The following GNE variants were observed in gnomAD, a reference collection of about 807,000 sequenced individuals.
The protein encoded by GNE is glucosamine (UDP-N-acetyl)-2-epimerase/N-acetylmannosamine kinase.
A neutral mutation model predicts 61.8 loss-of-function variants in GNE; 41 were observed. The observed-to-expected ratio is 0.66, with a 90% CI of 0.52 to 0.86. The LOEUF (loss-of-function observed/expected upper bound fraction) is 0.86. Ranked by LOEUF, GNE falls within the 40% of genes least tolerant of loss-of-function variation. GNE has a pLI of 0.00. For missense variants in GNE, 608 were observed against 909.1 expected (o/e 0.67, Z 4.26); for synonymous variants, 264 against 326.4 (o/e 0.81, Z 2.06).
upstream of GNE, among the ~76,000 whole-genome samples, chr9:36,260,294 A>G (rs546924673): frequency 7.7e-4 from 117 of 151,484 alleles, no homozygotes; most frequent in African/African-American, 2.8e-3. Flanking sequence ...AAAAAAAAAA[A>G]AAAAGAAAGA....
Position 36,217,132 on chromosome 9 carries a change from G to A in GNE, c.*233C>T. The A allele has an allele frequency of 3.6e-6, 2 of 556,108 alleles. No individual in the cohort carries two copies. The highest frequency in any genetic ancestry group is 4.0e-5 in the South Asian group (2 of 49,610). The allele number at this position is 556,108 out of a possible 1,614,324, so 34.4% of individuals were successfully genotyped here. ...GAAAATTGTGACTGTAACTTACAGGGTTTGAGCTAAAATGACCCCTAGTAA... is the reference window on the plus strand; with the variant it reads ...GAAAATTGTGACTGTAACTTACAGGATTTGAGCTAAAATGACCCCTAGTAA... On this transcript the variant is annotated 3_prime_UTR_variant, in exon 12 of 12. Transcript: ENST00000642385.
intron 10 of GNE, 135 bp downstream of exon 10, chr9:36,219,703 G>A (rs1828496727): frequency 2.5e-6 from 2 of 788,620 alleles, no homozygotes; most frequent in Admixed American, 2.0e-5. Flanking sequence ...TTTAGTGCGA[G>A]GGAGCCCTGC....
At chr9:36,260,868 C>CAAAA (rs745821430), upstream of GNE, among the ~76,000 whole-genome samples, 263 of 96,006 alleles carry the variant, frequency 2.7e-3, 3 homozygotes, top group East Asian at 0.013. Context: ...GACTCTATCT[C>CAAAA]AAAAAAAAAA....
At chr9:36,273,997 GA>G (rs201142267) in intron 1 of GNE, among the ~76,000 whole-genome samples, 1,847 of 152,018 alleles carry the variant, frequency 0.012, 20 homozygotes, top group Middle Eastern at 0.031. Flanking sequence ...ACAACTGAAT[GA>G]CTGTTAGACA....
At chr9:36,250,727 T>G (rs920690403) in intron 1 of GNE, among the ~76,000 whole-genome samples, 1 of 152,184 alleles carries the variant, frequency 6.6e-6, no homozygotes, top group Non-Finnish European at 1.5e-5. Context: ...GTCGCCCAGG[T>G]TGGAGTGCAG....
chr9:36,245,271 A>C (rs1385850670), intron 3 of GNE, among the ~76,000 whole-genome samples: 1 of 150,164 alleles, frequency 6.7e-6, no homozygotes, highest in Admixed American at 6.7e-5. Flanking sequence ...CTCAAAAAAC[A>C]AAAAAAAAAT....
chr9:36,259,847 G>A (rs892622987), upstream of GNE, among the ~76,000 whole-genome samples: 1 of 152,096 alleles, frequency 6.6e-6, no homozygotes, highest in African/African-American at 2.4e-5. Flanking sequence ...TTTTAGTAGA[G>A]ACGGGGGTTT....
At chr9:36,235,369 T>C (rs1829346043) in intron 4 of GNE, among the ~76,000 whole-genome samples, 1 of 152,306 alleles carries the variant, frequency 6.6e-6, no homozygotes, top group South Asian at 2.1e-4. Flanking sequence ...CAGATAATGA[T>C]AAAGTGATGC....
At position 36,246,082 on chromosome 9, in the gene GNE, G is replaced by A. The variant is rs567208272; in HGVS notation, c.565C>T (p.Leu189Phe). ...LLAGCPSYDK[L>F]LSAKNKDYMS... ...TAGTCTTTGTTCTTGGCTGAGAGAA[G>A]TTTGTCATAGGAAGGGCAGCCTGCC... The change falls in exon 3 of 12, where the codon CTT becomes TTT. Residue 189 changes from leucine (L) to phenylalanine (F), a missense_variant. Physicochemically the swap from Leu to Phe is conservative, Grantham distance 22. Coordinates refer to ENST00000642385, the MANE Select transcript of GNE (RefSeq NM_005476.7). 1.9e-6 allele frequency: 3 copies of A among 1,614,216 alleles called. No homozygotes were observed. The Admixed American group carries it at 5.0e-5, about 27-fold the overall frequency.
intron 6 of GNE, 106 bp from the exon 7 acceptor site, chr9:36,227,564 C>G: frequency 2.6e-6 from 2 of 771,694 alleles, no homozygotes; most frequent in Admixed American, 4.0e-5. Flanking sequence ...AAAAATAATT[C>G]ATGCTTCTTC....
chr9:36,269,664 C>CTTTTTTTTT (rs71336438), intron 1 of GNE, among the ~76,000 whole-genome samples: 3 of 134,320 alleles, frequency 2.2e-5, no homozygotes, highest in Admixed American at 8.1e-5. Flanking sequence ...TTTCTTCTTT[C>CTTTTTTTTT]TTTTTTTTTT....
intron 2 of GNE, among the ~76,000 whole-genome samples, chr9:36,248,426 T>G (rs1340401507): frequency 1.3e-5 from 2 of 151,852 alleles, no homozygotes; most frequent in Admixed American, 1.3e-4. Context: ...GTGATTCTCC[T>G]GCCTCAGCCT....
At chr9:36,276,498 A>G (rs1388267583) in intron 1 of GNE, among the ~76,000 whole-genome samples, 1 of 152,212 alleles carries the variant, frequency 6.6e-6, no homozygotes, top group African/African-American at 2.4e-5. Context: ...CAAATCAGGC[A>G]GCTCTACATG....
chr9:36,259,024 C>T (rs2133168543), upstream of GNE, among the ~76,000 whole-genome samples: 1 of 152,272 alleles, frequency 6.6e-6, no homozygotes, highest in East Asian at 1.9e-4. Context: ...TAGGGACATC[C>T]AGGGAGAAAC....
At chr9:36,252,848 T>C (rs1018034844) in intron 1 of GNE, among the ~76,000 whole-genome samples, 12 of 152,186 alleles carry the variant, frequency 7.9e-5, no homozygotes, top group Non-Finnish European at 2.9e-5. Context: ...GTTTCCTATC[T>C]GTCCTTCCAT....
At chr9:36,257,444 C>T (rs1830402103) in intron 1 of GNE, among the ~76,000 whole-genome samples, 1 of 152,032 alleles carries the variant, frequency 6.6e-6, no homozygotes, top group Non-Finnish European at 1.5e-5. Flanking sequence ...CGAAACTGTA[C>T]CCCACCCCTC....
At chr9:36,258,272 G>A in intron 1 of GNE, 49 bp downstream of exon 1, 1 of 960,714 alleles carries the variant, frequency 1.0e-6, no homozygotes, top group Non-Finnish European at 1.2e-6. Flanking sequence ...CGGCCCTGGG[G>A]GTGGGCAGGA....
At chr9:36,228,192 A>T (rs1017644595) in intron 6 of GNE, among the ~76,000 whole-genome samples, 1 of 151,890 alleles carries the variant, frequency 6.6e-6, no homozygotes, top group African/African-American at 2.4e-5. Flanking sequence ...ATTATACAGA[A>T]CTAAAAAAAT....
intron 5 of GNE, 88 bp downstream of exon 5, chr9:36,233,832 A>G (rs1829278708): frequency 2.0e-6 from 2 of 1,004,034 alleles, no homozygotes; most frequent in African/African-American, 3.1e-5. Flanking sequence ...TTCACAAAAT[A>G]TATGCTCAGT....
Sources: gnomAD v4.1 joint callset for allele counts (sites outside exome capture counted in the v4.1 genomes callset) on GRCh38, gnomAD v4.1.1 for gene constraint, MANE v1.5 for transcripts, NCBI Gene and HGNC (gene_info 2026-07-23, HGNC 2026-07-21) for gene names.